DCC: variants seen among roughly 807,000 people sequenced by gnomAD.
The protein encoded by DCC is DCC netrin 1 receptor.
A neutral mutation model predicts 172.5 loss-of-function variants in DCC; 58 were observed. The ratio of observed to expected loss-of-function variants is 0.34; its 90% CI spans 0.27 to 0.42. DCC has a LOEUF of 0.42. DCC is among the 10% of genes least tolerant of loss of function. DCC has a pLI of 1.00. For missense variants in DCC, 1,740 were observed against 1,791.0 expected, an observed-to-expected ratio of 0.97 and a Z score of 0.51; for synonymous variants, 709 against 644.5, an observed-to-expected ratio of 1.10 and a Z score of -1.52.
At chr18:53,061,908 G>T (rs1053905369) in intron 5 of DCC, among the ~76,000 whole-genome samples, 5 of 152,088 alleles carry the variant, frequency 3.3e-5, no homozygotes, top group Admixed American at 1.3e-4. Flanking sequence ...GGTATTAAAT[G>T]AACCCTTGAC....
At chr18:52,801,306 C>A (rs2037980559) in intron 2 of DCC, among the ~76,000 whole-genome samples, 1 of 152,130 alleles carries the variant, frequency 6.6e-6, no homozygotes, top group Non-Finnish European at 1.5e-5. Flanking sequence ...TTAGTGATAA[C>A]CATAACCACA....
intron 1 of DCC, among the ~76,000 whole-genome samples, chr18:52,371,064 CA>C (rs1264651518): frequency 2.0e-5 from 3 of 152,116 alleles, no homozygotes; most frequent in Non-Finnish European, 4.4e-5. Context: ...AACTCTTTGT[CA>C]GGGGACAGGC....
At chr18:52,507,593 T>C (rs1598873919) in intron 1 of DCC, among the ~76,000 whole-genome samples, 1 of 152,194 alleles carries the variant, frequency 6.6e-6, no homozygotes, top group African/African-American at 2.4e-5. Context: ...TAAAATATTG[T>C]ATCTCCTGTG....
At chr18:52,628,381 A>C (rs2034612022) in intron 1 of DCC, among the ~76,000 whole-genome samples, 1 of 152,258 alleles carries the variant, frequency 6.6e-6, no homozygotes, top group African/African-American at 2.4e-5. Context: ...CACTGTATGC[A>C]AAGTGTTATT....
chr18:53,170,233 A>C (rs985115278), intron 8 of DCC, among the ~76,000 whole-genome samples: 4 of 152,208 alleles, frequency 2.6e-5, no homozygotes, highest in African/African-American at 7.2e-5. Context: ...CAGATACCAT[A>C]AGACTATCAA....
At chr18:52,845,412 A>C (rs1416101163) in intron 2 of DCC, among the ~76,000 whole-genome samples, 1 of 152,254 alleles carries the variant, frequency 6.6e-6, no homozygotes, top group Non-Finnish European at 1.5e-5. Context: ...AAAAGCCATC[A>C]TAATGCAATG....
At chr18:53,238,971 A>G (rs1190654690) in intron 12 of DCC, among the ~76,000 whole-genome samples, 3 of 147,868 alleles carry the variant, frequency 2.0e-5, no homozygotes, top group African/African-American at 7.4e-5. Context: ...GCATGTTCTC[A>G]CTCATAGGTG....
intron 1 of DCC, among the ~76,000 whole-genome samples, chr18:52,650,168 G>A (rs2035104129): frequency 6.6e-6 from 1 of 151,886 alleles, no homozygotes; most frequent in South Asian, 2.1e-4. Flanking sequence ...GAGTAGAGAT[G>A]GGGTTTCTCC....
At chr18:52,808,552 T>G (rs546018266) in intron 2 of DCC, among the ~76,000 whole-genome samples, 3 of 152,228 alleles carry the variant, frequency 2.0e-5, no homozygotes, top group Non-Finnish European at 4.4e-5. Flanking sequence ...AAATAAAAAT[T>G]GGCATGGTCA....
chr18:53,136,737 G>A (rs1383722204), intron 7 of DCC, among the ~76,000 whole-genome samples: 1 of 152,152 alleles, frequency 6.6e-6, no homozygotes, highest in African/African-American at 2.4e-5. Context: ...ATCAAATTGT[G>A]TATGGGCACA....
chr18:53,166,148 A>G (rs975902807), intron 8 of DCC, among the ~76,000 whole-genome samples: 1 of 152,132 alleles, frequency 6.6e-6, no homozygotes, highest in African/African-American at 2.4e-5. Context: ...TGCATTGCAC[A>G]TGAATGGTGA....
At chr18:53,498,561 G>GA (rs10686831) in intron 26 of DCC, among the ~76,000 whole-genome samples, 40,316 of 139,634 alleles carry the variant, frequency 0.29, 5,936 homozygotes, top group East Asian at 0.43. Flanking sequence ...GTGTTCTCTG[G>GA]AAAAAAAAAA....
At chr18:53,098,767 G>C in intron 7 of DCC, among the ~76,000 whole-genome samples, 1 of 152,074 alleles carries the variant, frequency 6.6e-6, no homozygotes, top group East Asian at 1.9e-4. Flanking sequence ...ATCACTTTGG[G>C]AGGCTATGGC....
chr18:53,267,969 T>A (rs2056701819), intron 12 of DCC, among the ~76,000 whole-genome samples: 1 of 152,184 alleles, frequency 6.6e-6, no homozygotes, highest in Non-Finnish European at 1.5e-5. Context: ...TTTGCAGTCA[T>A]AAAAAGTAAG....
rs140432960 is a variant in DCC at position 53,107,647 on chromosome 18, C to A, written c.1261+41481C>A. ...TTAGAAAGAGTCTCCAGGGAGATGA[C>A]CTGATTAAGAAATTAAACTGTTCAT... On this transcript the variant is annotated intron_variant, in intron 7 of 28. Transcript: ENST00000442544. Among the ~76,000 whole-genome samples the A allele has an allele frequency of 1.5e-4, 22 of 151,486 alleles. No homozygotes were observed. The East Asian group carries it at 4.1e-3, about 28-fold the overall frequency.
intron 1 of DCC, among the ~76,000 whole-genome samples, chr18:52,531,117 G>T (rs1345385183): frequency 6.6e-6 from 1 of 152,172 alleles, no homozygotes; most frequent in African/African-American, 2.4e-5. Flanking sequence ...AGCAGGCATT[G>T]CTTATAAACA....
At chr18:52,799,449 AAG>A (rs2037940492) in intron 2 of DCC, among the ~76,000 whole-genome samples, 3 of 152,228 alleles carry the variant, frequency 2.0e-5, no homozygotes, top group Admixed American at 1.3e-4. Context: ...AGGTGAAAAA[AAG>A]GGAAGATCTG....
chr18:53,123,928 A>C (rs2043518894), intron 7 of DCC, among the ~76,000 whole-genome samples: 1 of 152,010 alleles, frequency 6.6e-6, no homozygotes, highest in African/African-American at 2.4e-5. Context: ...TGGATGATGG[A>C]ATCATCAGTG....
intron 1 of DCC, among the ~76,000 whole-genome samples, chr18:52,489,534 G>C (rs1267394719): frequency 1.3e-5 from 2 of 152,114 alleles, no homozygotes; most frequent in East Asian, 3.9e-4. Context: ...GAATTAGAAA[G>C]ATTGATTCTC....
Sources: gnomAD v4.1 joint callset for allele counts (sites outside exome capture counted in the v4.1 genomes callset) on GRCh38, gnomAD v4.1.1 for gene constraint, MANE v1.5 for transcripts, NCBI Gene and HGNC (gene_info 2026-07-23, HGNC 2026-07-21) for gene names.